The following ZNF276 variants were observed in gnomAD, a reference collection of about 807,000 sequenced individuals.
ZNF276 encodes centromere protein Z.
Under a neutral mutation model 63.9 loss-of-function variants are expected in ZNF276, and 59 were observed. That is an observed-to-expected ratio of 0.92 (90% CI 0.75 to 1.15). The LOEUF (loss-of-function observed/expected upper bound fraction) is 1.15, where lower values mean the gene tolerates loss of function less well. ZNF276 is among the 50% of genes most tolerant of loss of function. ZNF276 has a pLI of 0.00. For missense variants in ZNF276, 1,084 were observed against 843.8 expected (o/e 1.28, Z -3.53); for synonymous variants, 496 against 348.4 (o/e 1.42, Z -4.72).
At chr16:89,722,166 G>A (rs1247206106) in intron 1 of ZNF276, among the ~76,000 whole-genome samples, 1 of 152,216 alleles carries the variant, frequency 6.6e-6, no homozygotes, top group East Asian at 1.9e-4. Flanking sequence ...TGCCCTCGCG[G>A]AGCCGGAAAG....
In ZNF276 at chr16:89,732,672, G is replaced by A. The variant is rs183758155; in HGVS notation, c.1170-630G>A. 4.4e-4 allele frequency: 91 copies of A among 206,454 alleles called. 1 individual carries two copies. Among genetic ancestry groups the A allele is most frequent in the South Asian group, 2.6e-3 (44 of 16,634 alleles). 12.8% of individuals were successfully genotyped at this position (206,454 alleles called of 1,614,324 possible). ...TGACCCTCCTGTACCCTGCGTCCTCGCCCTCTGCTGTGCTCACCCGACCCT... is the reference window on the plus strand; with the variant it reads ...TGACCCTCCTGTACCCTGCGTCCTCACCCTCTGCTGTGCTCACCCGACCCT... On this transcript the variant is annotated intron_variant, in intron 6 of 10. Coordinates refer to ENST00000443381, the MANE Select transcript of ZNF276 (RefSeq NM_001113525.2).
chr16:89,728,525 T>TC lies in ZNF276; in HGVS notation c.1086-709dup, dbSNP rs1325958248. Among the ~76,000 whole-genome samples, 21 of 152,172 alleles carry TC rather than the reference T, an allele frequency of 1.4e-4. No individual in the cohort carries two copies. The South Asian group carries it at 1.7e-3, about 12-fold the overall frequency. On this transcript the variant is annotated intron_variant, in intron 5 of 10. Transcript: ENST00000443381. ...TTCACGCCATTCTCCGGCCTCAGCCTCTGAGTCGCTGGGACTACAGGCACC... is the reference window on the plus strand; with the variant it reads ...TTCACGCCATTCTCCGGCCTCAGCCTCCTGAGTCGCTGGGACTACAGGCACC...
rs1168461594 is a variant in ZNF276, at chr16:89,739,603, A to G, written c.*1357A>G. The G allele has an allele frequency of 6.5e-7, 1 of 1,540,842 alleles. No individual in the cohort carries two copies. Among genetic ancestry groups the G allele is most frequent in the Non-Finnish European group, 8.8e-7 (1 of 1,138,052 alleles). On this transcript the variant is annotated 3_prime_UTR_variant, in exon 11 of 11. Coordinates refer to ENST00000443381, the MANE Select transcript of ZNF276 (RefSeq NM_001113525.2). ...GCAACTCTGGACATCTCTGCCTATT[A>G]TCAGTGCTGGGGACACCCCTGGGGG...
At chr16:89,724,766 C>T (rs1238186282) in intron 4 of ZNF276, among the ~76,000 whole-genome samples, 1 of 152,206 alleles carries the variant, frequency 6.6e-6, no homozygotes, top group African/African-American at 2.4e-5. Flanking sequence ...AGCTGCTTGG[C>T]TCTGTAAACT....
chr16:89,734,853 A>G (rs1471246279), intron 9 of ZNF276, among the ~76,000 whole-genome samples: 13 of 152,172 alleles, frequency 8.5e-5, no homozygotes, highest in Admixed American at 8.5e-4. Context: ...TCCAACAAGG[A>G]TATGTTTTCA....
chr16:89,733,865 C>T lies in ZNF276; in HGVS notation c.1357-56C>T, dbSNP rs1003292567. 24 of 1,553,188 alleles carry T rather than the reference C, an allele frequency of 1.5e-5. No individual in the cohort carries two copies. The East Asian group carries it at 2.3e-4, about 15-fold the overall frequency. On this transcript the variant is annotated intron_variant, in intron 8 of 10. Coordinates refer to ENST00000443381, the MANE Select transcript of ZNF276 (RefSeq NM_001113525.2). ...CCTCAGCTGTCACCTACTGAGGGCTCGTGCCATGTGGCCCGGGTGCGGCTC... is the reference window on the plus strand; with the variant it reads ...CCTCAGCTGTCACCTACTGAGGGCTTGTGCCATGTGGCCCGGGTGCGGCTC...
chr16:89,732,646 C>G (rs1005239050), intron 6 of ZNF276: 4 of 217,508 alleles, frequency 1.8e-5, no homozygotes, highest in Non-Finnish European at 3.8e-5. Context: ...TGTGTTTGCC[C>G]TGACCCTCCT....
At position 89,739,717 on chromosome 16, in the gene ZNF276, T is replaced by A; in HGVS notation, c.*1471T>A. On this transcript the variant is annotated 3_prime_UTR_variant, in exon 11 of 11. Coordinates refer to ENST00000443381, the MANE Select transcript of ZNF276 (RefSeq NM_001113525.2). ...GGATACCCAGGTACCTGTCAGCAGC[T>A]GGGAGAGGATGGGGGGGTCGACCTC... 1.3e-6 allele frequency: 2 copies of A among 1,506,058 alleles called. No homozygotes were observed. Among genetic ancestry groups the A allele is most frequent in the East Asian group, 4.9e-5 (2 of 40,592 alleles). 93.3% of individuals were successfully genotyped at this position (1,506,058 alleles called of 1,614,324 possible). A position where few individuals can be genotyped will look rare whatever the true frequency, so the allele number is the denominator to read the frequency against.
chr16:89,739,772 A>AG lies in ZNF276; in HGVS notation c.*1528dup. 1 of 1,474,488 alleles carries AG rather than the reference A, an allele frequency of 6.8e-7. No individual in the cohort carries two copies. The highest frequency in any genetic ancestry group is 1.4e-5 in the South Asian group (1 of 72,836). The allele number at this position is 1,474,488 out of a possible 1,614,324, so 91.3% of individuals were successfully genotyped here. A position where few individuals can be genotyped will look rare whatever the true frequency, so the allele number is the denominator to read the frequency against. On this transcript the variant is annotated 3_prime_UTR_variant, in exon 11 of 11. Transcript: ENST00000443381. The stretch of plus-strand genomic sequence containing the variant: ...AGGAGGGTGGGTGTGGTGCAGAGAG[A>AG]GGCAGTCCCCATGATAGGCCCATTG...
Position 89,733,912 on chromosome 16 carries a change from C to G in ZNF276, c.1357-9C>G, listed in dbSNP as rs758219288. On this transcript the variant is annotated splice_polypyrimidine_tract_variant and intron_variant, in intron 8 of 10. Coordinates refer to ENST00000443381, the MANE Select transcript of ZNF276 (RefSeq NM_001113525.2). Reference sequence around the variant, plus strand: ...GCTCTGAGGGTCTCTCACCGAGTCTCTCCTTCAGAAGCACATCAAGGAGCA... The same window carrying G: ...GCTCTGAGGGTCTCTCACCGAGTCTGTCCTTCAGAAGCACATCAAGGAGCA... The G allele has an allele frequency of 1.2e-6, 2 of 1,613,162 alleles. No individual in the cohort carries two copies. The highest frequency in any genetic ancestry group is 1.7e-5 in the Admixed American group (1 of 59,980).
At chr16:89,734,326 A>G (rs1185270147) in intron 9 of ZNF276, among the ~76,000 whole-genome samples, 1 of 10,650 alleles carries the variant, frequency 9.4e-5, no homozygotes, top group African/African-American at 1.2e-4. Flanking sequence ...TGGTCATTTT[A>G]TTTTTTAATT....
rs749869884 is a variant in ZNF276, at chr16:89,740,079, C to A, written c.*1833C>A. The A allele has an allele frequency of 1.2e-6, 2 of 1,614,080 alleles. No individual in the cohort carries two copies. The highest frequency in any genetic ancestry group is 2.7e-5 in the African/African-American group (2 of 74,930). Reference sequence around the variant, plus strand: ...GGATTGCTGCACAAACGTGGAAAGCCTTTGGCAGGTCTGTGGTGCTCTGTA... The same window carrying A: ...GGATTGCTGCACAAACGTGGAAAGCATTTGGCAGGTCTGTGGTGCTCTGTA... On this transcript the variant is annotated 3_prime_UTR_variant, in exon 11 of 11. Coordinates refer to ENST00000443381, the MANE Select transcript of ZNF276 (RefSeq NM_001113525.2).
intron 4 of ZNF276, among the ~76,000 whole-genome samples, chr16:89,724,482 A>C (rs913015998): frequency 6.6e-6 from 1 of 152,188 alleles, no homozygotes; most frequent in African/African-American, 2.4e-5. Context: ...CCCCATCGCT[A>C]ATAAAAATAC....
rs879398149 is a variant in ZNF276 at position 89,736,896 on chromosome 16, C to CTCAAG, written c.1475-907_1475-903dup. ...CTCCAGCCTGGGCAACAGAGCAAGA[C>CTCAAG]TCAAGTCTCAAAAAAAAAGAACAGC... On this transcript the variant is annotated intron_variant, in intron 9 of 10. Transcript: ENST00000443381. 2.1e-4 allele frequency among the ~76,000 whole-genome samples: 32 copies of CTCAAG among 150,524 alleles called. No individual in the cohort carries two copies. The East Asian group carries it at 5.8e-3, about 27-fold the overall frequency.
At chr16:89,720,668 T>A (rs1035607203), upstream of ZNF276, 135 of 1,250,202 alleles carry the variant, frequency 1.1e-4, no homozygotes, top group Non-Finnish European at 1.3e-4. Flanking sequence ...CTCCCAAGTC[T>A]CCAGCCCGAG....
upstream of ZNF276, chr16:89,721,248 C>A (rs2061259734): frequency 4.5e-6 from 1 of 223,162 alleles, no homozygotes; most frequent in Non-Finnish European, 8.7e-6. Flanking sequence ...CCGCCGGCGC[C>A]TGCCCGCCCC....
At chr16:89,729,127 C>T (rs2061564609) in intron 5 of ZNF276, 108 bp from the exon 6 acceptor site, 2 of 885,704 alleles carry the variant, frequency 2.3e-6, no homozygotes, top group Admixed American at 2.3e-5. Flanking sequence ...CAGAAGAACT[C>T]AAATGTGGGA....
chr16:89,733,024 T>TC (rs1207939179), intron 6 of ZNF276: 1 of 302,344 alleles, frequency 3.3e-6, no homozygotes, highest in South Asian at 3.1e-5. Context: ...TCTGCTGTGT[T>TC]TGCCCTGACC....
Position 89,738,755 on chromosome 16 carries a change from C to T in ZNF276, c.*509C>T. On this transcript the variant is annotated 3_prime_UTR_variant, in exon 11 of 11. Coordinates refer to ENST00000443381, the MANE Select transcript of ZNF276 (RefSeq NM_001113525.2). ...TCAGCCCATGCCGCCCACTAGGCCT[C>T]AGACCACAGGGGAGGGGCTCTGGCA... 6.2e-7 allele frequency: 1 copy of T among 1,612,630 alleles called. No homozygotes were observed. Among genetic ancestry groups the T allele is most frequent in the Non-Finnish European group, 8.5e-7 (1 of 1,179,422 alleles).
Sources: allele counts gnomAD v4.1 joint callset (sites outside exome capture counted in the v4.1 genomes callset), GRCh38; gene constraint gnomAD v4.1.1; transcripts MANE v1.5; gene names NCBI Gene and HGNC (gene_info 2026-07-23, HGNC 2026-07-21).